The following GALNT8 variants were observed in gnomAD, a reference collection of about 807,000 sequenced individuals.
GALNT8 encodes probable polypeptide N-acetylgalactosaminyltransferase 8.
In GALNT8, 66 loss-of-function variants were observed where a neutral mutation model predicts 62.7. The ratio of observed to expected loss-of-function variants is 1.05; its 90% CI spans 0.86 to 1.29. GALNT8 has a LOEUF of 1.29. Ranked by LOEUF, GALNT8 falls within the 50% of genes most tolerant of loss-of-function variation. The pLI, the probability that GALNT8 is intolerant of heterozygous loss-of-function variation, is 0.00. For synonymous variants in GALNT8, 288 were observed against 294.3 expected, an observed-to-expected ratio of 0.98 and a Z score of 0.22; for missense variants, 771 against 791.8, an observed-to-expected ratio of 0.97 and a Z score of 0.32.
At chr12:4,745,730 A>G (rs778953728) in intron 5 of GALNT8, 104 bp downstream of exon 5, 84 of 834,908 alleles carry the variant, frequency 1.0e-4, no homozygotes, top group Non-Finnish European at 1.4e-4. Flanking sequence ...GGTGACGTGG[A>G]AGGAGGGGAG....
chr12:4,742,852 G>C (rs1290928138), intron 3 of GALNT8, among the ~76,000 whole-genome samples: 1 of 152,166 alleles, frequency 6.6e-6, no homozygotes, highest in Non-Finnish European at 1.5e-5. Context: ...GGAGGGCAAA[G>C]CTGGGAAGGG....
intron 1 of GALNT8, among the ~76,000 whole-genome samples, chr12:4,724,073 T>C (rs1450906182): frequency 7.4e-6 from 1 of 134,754 alleles, no homozygotes; most frequent in African/African-American, 2.8e-5. Flanking sequence ...GGCGTGAATC[T>C]GGGAGGTGGA....
rs1343955266 is a variant in GALNT8, at chr12:4,749,683, A to G, written c.1173+3425A>G. Among the ~76,000 whole-genome samples the G allele has an allele frequency of 6.6e-6, 1 of 151,820 alleles. No homozygotes were observed. Among genetic ancestry groups the G allele is most frequent in the Non-Finnish European group, 1.5e-5 (1 of 67,958 alleles). On this transcript the variant is annotated intron_variant, in intron 6 of 10. Transcript: ENST00000252318. The surrounding 1 kb of genome is among the most constrained non-coding windows in gnomAD (Gnocchi z 4.1). ...AGCAGGGTAATACTGGCCTCATAGA[A>G]TGAGTTTGGAAATGTTCCCTCCTGT...
intron 7 of GALNT8, among the ~76,000 whole-genome samples, chr12:4,761,755 T>C (rs542523086): frequency 2.6e-4 from 40 of 152,264 alleles, no homozygotes; most frequent in Admixed American, 9.1e-4. Flanking sequence ...GCCCACATCT[T>C]ATACACTGGC....
At chr12:4,746,415 A>C (rs1946300279) in intron 6 of GALNT8, among the ~76,000 whole-genome samples, 157 bp downstream of exon 6, 1 of 152,198 alleles carries the variant, frequency 6.6e-6, no homozygotes, top group African/African-American at 2.4e-5. Flanking sequence ...GACGGGGGGC[A>C]ATAGGACTTC....
chr12:4,744,852 G>A, intron 4 of GALNT8, 152 bp downstream of exon 4: 1 of 583,084 alleles, frequency 1.7e-6, no homozygotes, highest in Non-Finnish European at 3.0e-6. Context: ...TTTATGCAGG[G>A]ATTTTGCTTG....
intron 6 of GALNT8, among the ~76,000 whole-genome samples, chr12:4,758,596 C>A (rs1946355441): frequency 7.1e-6 from 1 of 140,928 alleles, no homozygotes; most frequent in African/African-American, 2.7e-5. Context: ...TCAGCAGAAG[C>A]TTAATGTCTC....
At chr12:4,731,720 T>C (rs1946222714) in intron 2 of GALNT8, among the ~76,000 whole-genome samples, 1 of 152,228 alleles carries the variant, frequency 6.6e-6, no homozygotes, top group Admixed American at 6.5e-5. Context: ...TTAAGTGATT[T>C]TTCGCATCTA....
At chr12:4,728,299 C>G (rs374978591) in intron 2 of GALNT8, among the ~76,000 whole-genome samples, 2 of 150,790 alleles carry the variant, frequency 1.3e-5, no homozygotes, top group African/African-American at 4.9e-5. Flanking sequence ...TTAATGATTT[C>G]TTTCATTGTG....
intron 8 of GALNT8, 138 bp from the exon 9 acceptor site, chr12:4,763,814 G>A: frequency 1.5e-6 from 1 of 646,326 alleles, no homozygotes; most frequent in South Asian, 1.8e-5. Context: ...ATGCCTGCCG[G>A]GATCCCAGCC....
rs1946199553 is a variant in GALNT8 at position 4,727,000 on chromosome 12, A to G, written c.509+171A>G. Among the ~76,000 whole-genome samples the G allele has an allele frequency of 6.6e-6, 1 of 152,174 alleles. No homozygotes were observed. The highest frequency in any genetic ancestry group is 1.5e-5 in the Non-Finnish European group (1 of 68,040). On this transcript the variant is annotated intron_variant, in intron 2 of 10. Coordinates refer to ENST00000252318, the MANE Select transcript of GALNT8 (RefSeq NM_017417.2). This position sits in a 1 kb window ranked among gnomAD's most constrained non-coding sequence, Gnocchi z 4.1. The stretch of plus-strand genomic sequence containing the variant: ...TTATAATGACAGCTCAGAGAAGATA[A>G]CCAACTGATCCAAATATTTACAGAC...
chr12:4,772,641 G>A lies in GALNT8; in HGVS notation c.*44G>A, dbSNP rs559478343. 1.6e-5 allele frequency: 24 copies of A among 1,477,486 alleles called. No individual in the cohort carries two copies. The African/African-American group carries it at 3.2e-4, about 19-fold the overall frequency. The allele number at this position is 1,477,486 out of a possible 1,614,324, so 91.5% of individuals were successfully genotyped here. ...TCTGGGTCATCAATTCTTGCAAGTG[G>A]AATGGCTTCTACTCCTAACACTCCC... On this transcript the variant is annotated 3_prime_UTR_variant, in exon 11 of 11. Transcript: ENST00000252318.
In GALNT8 at chr12:4,760,993, C is replaced by T. The variant is rs779294360; in HGVS notation, c.1209C>T (p.Pro403=). Residue 403 remains proline, a synonymous_variant, in exon 7 of 11, where the codon CCC becomes CCT. Coordinates refer to ENST00000252318, the MANE Select transcript of GALNT8 (RefSeq NM_017417.2). ...WQCGGKVEIL[P]CSRIAHLERH... Reference sequence around the variant, plus strand: ...GTGGAGGGAAGGTCGAGATTTTGCCCTGTTCCCGGATTGCCCACCTAGAGA... The same window carrying T: ...GTGGAGGGAAGGTCGAGATTTTGCCTTGTTCCCGGATTGCCCACCTAGAGA... 2.5e-6 allele frequency: 4 copies of T among 1,613,862 alleles called. No individual in the cohort carries two copies. In the African/African-American group the frequency reaches 4.0e-5, roughly 16 times the overall value.
intron 2 of GALNT8, among the ~76,000 whole-genome samples, chr12:4,734,432 G>T (rs537848710): frequency 1.3e-5 from 2 of 152,252 alleles, no homozygotes; most frequent in South Asian, 4.2e-4. Context: ...TTGTGTGCGG[G>T]TATTGCTAGA....
chr12:4,750,431 G>A (rs1357182841), intron 6 of GALNT8, among the ~76,000 whole-genome samples: 5 of 151,424 alleles, frequency 3.3e-5, no homozygotes, highest in African/African-American at 1.2e-4. Context: ...ACTTAAAAGT[G>A]AGAACATGTG....
chr12:4,748,580 G>A (rs1946310128), intron 6 of GALNT8, among the ~76,000 whole-genome samples: 2 of 152,024 alleles, frequency 1.3e-5, no homozygotes, highest in Non-Finnish European at 2.9e-5. Context: ...ACTGGTCTAT[G>A]TGTCTGTTTT....
rs141779145 is a variant in GALNT8 at position 4,726,730 on chromosome 12, A to G, written c.410A>G (p.Gln137Arg). The G allele has an allele frequency of 1.5e-4, 235 of 1,614,106 alleles. No homozygotes were observed. Among genetic ancestry groups the G allele is most frequent in the Middle Eastern group, 8.2e-4 (5 of 6,062 alleles). The stretch of plus-strand genomic sequence containing the variant: ...GGCGAGGATCTTTCTGAGGCCCAGC[A>G]GAAGGCGGCCCAGGACCTCTTCCGG... ...QWGEDLSEAQ[Q>R]KAAQDLFRKF... The change falls in exon 2 of 11, where the codon CAG (glutamine) becomes CGG (arginine). Residue 137 changes from glutamine to arginine, a missense_variant. Coordinates refer to ENST00000252318, the MANE Select transcript of GALNT8 (RefSeq NM_017417.2). The surrounding 1 kb of genome is among the most constrained non-coding windows in gnomAD (Gnocchi z 4.1).
At chr12:4,756,989 G>A (rs1326400517) in intron 6 of GALNT8, among the ~76,000 whole-genome samples, 1 of 152,296 alleles carries the variant, frequency 6.6e-6, no homozygotes, top group East Asian at 1.9e-4. Context: ...TCCCCAGGTG[G>A]TTCTCCTGAT....
At chr12:4,739,028 A>T (rs1946258212) in intron 2 of GALNT8, 135 bp from the exon 3 acceptor site, 1 of 507,600 alleles carries the variant, frequency 2.0e-6, no homozygotes, top group Non-Finnish European at 3.4e-6. Context: ...AGCCACTAAG[A>T]GTTTTGCTTT....
Sources: allele counts gnomAD v4.1 joint callset (sites outside exome capture counted in the v4.1 genomes callset), GRCh38; gene constraint gnomAD v4.1.1; non-coding constraint Gnocchi (gnomAD v3.1); transcripts MANE v1.5; gene names NCBI Gene and HGNC (gene_info 2026-07-23, HGNC 2026-07-21).